The following AFG2A variants were observed in gnomAD, a reference collection of about 807,000 sequenced individuals.
AFG2A encodes the protein AAA ATPase AFG2A.
chr4:123,312,704 C>T, the AFG2A span, among the ~76,000 whole-genome samples: 5 of 152,108 alleles, frequency 3.3e-5, no homozygotes, highest in African/African-American at 1.2e-4. Context: ...TTCAGAAAAA[C>T]ATTAACATGC....
the AFG2A span, among the ~76,000 whole-genome samples, chr4:123,171,458 A>G: frequency 6.6e-6 from 1 of 152,166 alleles, no homozygotes; most frequent in African/African-American, 2.4e-5. Context: ...GTACTAAAAA[A>G]CATACATACA....
chr4:122,982,183 G>A, the AFG2A span, among the ~76,000 whole-genome samples: 2 of 152,084 alleles, frequency 1.3e-5, no homozygotes, highest in Admixed American at 6.5e-5. Flanking sequence ...TCTGTCTAAT[G>A]TATTGAGAGT....
At chr4:122,986,065 C>A in the AFG2A span, among the ~76,000 whole-genome samples, 1 of 151,978 alleles carries the variant, frequency 6.6e-6, no homozygotes, top group Non-Finnish European at 1.5e-5. Flanking sequence ...ATTTAATTTT[C>A]ATGTATTTGC....
the AFG2A span, among the ~76,000 whole-genome samples, chr4:123,159,791 T>C: frequency 3.3e-5 from 5 of 152,130 alleles, no homozygotes; most frequent in African/African-American, 1.2e-4. Flanking sequence ...AACAGGATAA[T>C]GTATCAGAAT....
chr4:123,058,193 A>G, the AFG2A span, among the ~76,000 whole-genome samples: 1,545 of 152,320 alleles, frequency 0.01, 36 homozygotes, highest in African/African-American at 0.036. Flanking sequence ...TAATTTATAA[A>G]GAAAAAGAGG....
the AFG2A span, among the ~76,000 whole-genome samples, chr4:123,070,094 T>A: frequency 6.6e-6 from 1 of 152,324 alleles, no homozygotes; most frequent in East Asian, 1.9e-4. Flanking sequence ...CTATGCTGTT[T>A]GAAGCTTCTG....
the AFG2A span, chr4:123,256,065 C>G: frequency 6.2e-7 from 1 of 1,613,992 alleles, no homozygotes; most frequent in Non-Finnish European, 8.5e-7. Flanking sequence ...GTGCCTTTAC[C>G]GGATGCAGCA....
At chr4:123,137,106 C>A in the AFG2A span, among the ~76,000 whole-genome samples, 1 of 152,250 alleles carries the variant, frequency 6.6e-6, no homozygotes, top group Non-Finnish European at 1.5e-5. Context: ...TCTATGAGTG[C>A]GCATCTAACG....
At chr4:123,152,803 A>G in the AFG2A span, among the ~76,000 whole-genome samples, 1 of 152,230 alleles carries the variant, frequency 6.6e-6, no homozygotes, top group Non-Finnish European at 1.5e-5. Flanking sequence ...CCTGCATACA[A>G]TGTTTATAGG....
chr4:123,021,187 C>T, the AFG2A span, among the ~76,000 whole-genome samples: 3 of 150,964 alleles, frequency 2.0e-5, no homozygotes, highest in Admixed American at 6.6e-5. Flanking sequence ...GTAACGGTAC[C>T]TTTCCCAAGC....
At chr4:123,304,379 C>T in the AFG2A span, among the ~76,000 whole-genome samples, 1 of 152,148 alleles carries the variant, frequency 6.6e-6, no homozygotes, top group Admixed American at 6.5e-5. Context: ...CATGTGTTCG[C>T]AAACAGCAGG....
chr4:123,016,272 C>A, the AFG2A span, among the ~76,000 whole-genome samples: 1,272 of 151,538 alleles, frequency 8.4e-3, 17 homozygotes, highest in African/African-American at 0.029. Flanking sequence ...CTGACCCCCA[C>A]CTCCCTCCCG....
the AFG2A span, among the ~76,000 whole-genome samples, chr4:123,100,351 T>C: frequency 1.3e-5 from 2 of 151,910 alleles, no homozygotes; most frequent in Non-Finnish European, 2.9e-5. Flanking sequence ...TTTTAATCCT[T>C]CTTCTATATG....
chr4:122,926,239 A>G, the AFG2A span, among the ~76,000 whole-genome samples: 1 of 152,234 alleles, frequency 6.6e-6, no homozygotes, highest in Non-Finnish European at 1.5e-5. Context: ...AGTCTTGGGA[A>G]GGACTGAGAA....
chr4:123,156,702 C>A, the AFG2A span, among the ~76,000 whole-genome samples: 1 of 149,554 alleles, frequency 6.7e-6, no homozygotes. Context: ...AAACCAACCT[C>A]TTTGTAAAAC....
At chr4:123,163,647 G>C in the AFG2A span, among the ~76,000 whole-genome samples, 1 of 152,210 alleles carries the variant, frequency 6.6e-6, no homozygotes, top group Admixed American at 6.6e-5. Flanking sequence ...GACTTACGTG[G>C]ATTGGAAGTC....
the AFG2A span, among the ~76,000 whole-genome samples, chr4:123,265,841 G>C: frequency 6.6e-6 from 1 of 151,984 alleles, no homozygotes; most frequent in Non-Finnish European, 1.5e-5. Flanking sequence ...ATGCCGATTT[G>C]AGCATTTTAA....
the AFG2A span, among the ~76,000 whole-genome samples, chr4:123,236,627 T>G: frequency 6.6e-6 from 1 of 152,206 alleles, no homozygotes; most frequent in Non-Finnish European, 1.5e-5. Flanking sequence ...ATGAGAAAGC[T>G]AAGGCTTAAG....
chr4:123,150,862 C>T, the AFG2A span, among the ~76,000 whole-genome samples: 1 of 152,162 alleles, frequency 6.6e-6, no homozygotes, highest in Admixed American at 6.5e-5. Flanking sequence ...TACCTGACTT[C>T]AAACTATACT....
Sources: gnomAD v4.1 joint callset for allele counts (sites outside exome capture counted in the v4.1 genomes callset) on GRCh38, gnomAD v4.1.1 for gene constraint, MANE v1.5 for transcripts, NCBI Gene and HGNC (gene_info 2026-07-23, HGNC 2026-07-21) for gene names.